The following DTNB variants were observed in gnomAD, a reference collection of about 807,000 sequenced individuals.
DTNB encodes the protein dystrobrevin beta.
DTNB carries 63 observed loss-of-function variants against 90.7 expected under a neutral mutation model. The observed-to-expected ratio is 0.69, with a 90% confidence interval of 0.57 to 0.86. The LOEUF (loss-of-function observed/expected upper bound fraction) is 0.86, where lower values mean the gene tolerates loss of function less well. Among genes scored for constraint, DTNB ranks in the 40% least tolerant of loss-of-function variants. The pLI is 0.00. For missense variants in DTNB, 744 were observed against 807.1 expected (o/e 0.92, Z 0.95); for synonymous variants, 277 against 286.7 (o/e 0.97, Z 0.34).
At chr2:25,462,828 C>T (rs910351762) in intron 10 of DTNB, among the ~76,000 whole-genome samples, 1 of 152,112 alleles carries the variant, frequency 6.6e-6, no homozygotes, top group Non-Finnish European at 1.5e-5. Flanking sequence ...CTCAGCCTCC[C>T]AAGTAGCTGG....
rs1482811529 is a variant in DTNB at position 25,583,357 on chromosome 2, C to T, written c.604-2531G>A. ...AAAATTTTTAGCTAGTAAAAAGTAG[C>T]GAACAAAATTAAATGTATCATATCC... On this transcript the variant is annotated intron_variant, in intron 6 of 20. Coordinates refer to ENST00000406818, the MANE Select transcript of DTNB (RefSeq NM_021907.5). 6.0e-5 allele frequency among the ~76,000 whole-genome samples: 9 copies of T among 150,218 alleles called. No individual in the cohort carries two copies. The East Asian group carries it at 1.2e-3, about 20-fold the overall frequency.
At chr2:25,662,520 A>C (rs1305709923) in intron 1 of DTNB, among the ~76,000 whole-genome samples, 2 of 152,186 alleles carry the variant, frequency 1.3e-5, no homozygotes, top group Non-Finnish European at 2.9e-5. Context: ...TACCTGGGGC[A>C]CAAAATTTAA....
intron 10 of DTNB, among the ~76,000 whole-genome samples, chr2:25,467,862 C>T (rs536395938): frequency 3.3e-5 from 5 of 152,206 alleles, no homozygotes; most frequent in African/African-American, 1.2e-4. Flanking sequence ...ACTCAGTCTG[C>T]CATGGTAGGG....
At chr2:25,405,480 T>C (rs769192230) in intron 16 of DTNB, among the ~76,000 whole-genome samples, 1 of 151,994 alleles carries the variant, frequency 6.6e-6, no homozygotes, top group African/African-American at 2.4e-5. Context: ...ACGGAGGTTG[T>C]AGAGAGCCAA....
chr2:25,496,776 G>T (rs1035913154), intron 9 of DTNB, among the ~76,000 whole-genome samples: 1 of 151,168 alleles, frequency 6.6e-6, no homozygotes, highest in African/African-American at 2.4e-5. Context: ...CCGGGAGGCC[G>T]ATGTTGCAAT....
chr2:25,547,095 C>T (rs1390567849), intron 8 of DTNB, among the ~76,000 whole-genome samples: 1 of 152,002 alleles, frequency 6.6e-6, no homozygotes, highest in Non-Finnish European at 1.5e-5. Flanking sequence ...GTGATCCTCC[C>T]GCCTTGACCT....
chr2:25,492,055 C>A (rs541135785), intron 9 of DTNB, among the ~76,000 whole-genome samples: 1 of 152,148 alleles, frequency 6.6e-6, no homozygotes, highest in South Asian at 2.1e-4. Context: ...CACGGCTGCA[C>A]TTTCAGGAAA....
chr2:25,480,775 G>C (rs931382101), intron 10 of DTNB, among the ~76,000 whole-genome samples: 1 of 152,068 alleles, frequency 6.6e-6, no homozygotes, highest in Non-Finnish European at 1.5e-5. Flanking sequence ...TCTTTGAATC[G>C]GCCACCTTAT....
chr2:25,439,085 C>G (rs948398352), intron 12 of DTNB, among the ~76,000 whole-genome samples: 1 of 152,124 alleles, frequency 6.6e-6, no homozygotes, highest in Non-Finnish European at 1.5e-5. Context: ...CTGGATGGAA[C>G]AGAAGAAGGA....
chr2:25,446,767 T>C (rs2058495743), intron 12 of DTNB, among the ~76,000 whole-genome samples: 1 of 152,248 alleles, frequency 6.6e-6, no homozygotes, highest in Admixed American at 6.5e-5. Flanking sequence ...TATATTCATC[T>C]GAGAATGAAT....
At chr2:25,643,918 C>T (rs111797814) in intron 2 of DTNB, among the ~76,000 whole-genome samples, 7,091 of 152,226 alleles carry the variant, frequency 0.047, 224 homozygotes, top group Middle Eastern at 0.12. Context: ...GCTGATAAAA[C>T]GGGTTGCAGT....
At chr2:25,553,908 A>C (rs919501810) in intron 8 of DTNB, among the ~76,000 whole-genome samples, 9 of 152,154 alleles carry the variant, frequency 5.9e-5, no homozygotes, top group Admixed American at 2.6e-4. Flanking sequence ...GGACAGCTGC[A>C]TCTTGTGCTC....
chr2:25,455,578 T>A, intron 10 of DTNB, 84 bp from the exon 11 acceptor site: 1 of 1,191,788 alleles, frequency 8.4e-7, no homozygotes, highest in Non-Finnish European at 1.2e-6. Context: ...ATGAGCAAAC[T>A]TCAAAGAAAA....
chr2:25,495,424 C>G (rs546589668), intron 9 of DTNB, among the ~76,000 whole-genome samples: 9 of 152,190 alleles, frequency 5.9e-5, no homozygotes, highest in Middle Eastern at 3.4e-3. Context: ...GAGACCTATT[C>G]GTGGACCCTT....
chr2:25,563,958 T>G (rs1388095446), intron 8 of DTNB, among the ~76,000 whole-genome samples: 1 of 152,118 alleles, frequency 6.6e-6, no homozygotes, highest in Non-Finnish European at 1.5e-5. Flanking sequence ...AGTGCAGTGG[T>G]GCGTGCGATC....
At chr2:25,483,725 C>T (rs543697786) in intron 9 of DTNB, among the ~76,000 whole-genome samples, 2 of 152,284 alleles carry the variant, frequency 1.3e-5, no homozygotes, top group South Asian at 2.1e-4. Flanking sequence ...TCCCTCCCTA[C>T]CAGGTTCAGC....
At chr2:25,379,553 AG>A (rs2036962396) in intron 19 of DTNB, 2 of 423,500 alleles carry the variant, frequency 4.7e-6, no homozygotes, top group Middle Eastern at 3.2e-4. Flanking sequence ...TCTCAGGAGA[AG>A]GAAAGTCATT....
intron 8 of DTNB, among the ~76,000 whole-genome samples, chr2:25,553,355 ATT>A (rs1353017414): frequency 6.6e-6 from 1 of 152,208 alleles, no homozygotes; most frequent in Non-Finnish European, 1.5e-5. Flanking sequence ...GTAAGCTATA[ATT>A]TTGATTAACA....
intron 16 of DTNB, among the ~76,000 whole-genome samples, chr2:25,407,005 A>G (rs2045362315): frequency 6.6e-6 from 1 of 152,186 alleles, no homozygotes; most frequent in Non-Finnish European, 1.5e-5. Context: ...ATACATTTAA[A>G]TTAATAATAC....
Sources: gnomAD v4.1 joint callset for allele counts (sites outside exome capture counted in the v4.1 genomes callset) on GRCh38, gnomAD v4.1.1 for gene constraint, MANE v1.5 for transcripts, NCBI Gene and HGNC (gene_info 2026-07-23, HGNC 2026-07-21) for gene names.